The following FOCAD variants were observed in gnomAD, a reference collection of about 807,000 sequenced individuals.
FOCAD encodes focadhesin, also known as KIAA1797.
FOCAD carries 198 observed loss-of-function variants against 225.6 expected under a neutral mutation model. The observed-to-expected ratio is 0.88, with a 90% CI of 0.78 to 0.99. The LOEUF (loss-of-function observed/expected upper bound fraction) is 0.99. Among genes scored for constraint, FOCAD ranks in the 50% least tolerant of loss-of-function variants. The pLI is 0.00. For synonymous variants in FOCAD, 897 were observed against 755.0 expected (o/e 1.19, Z -3.08); for missense variants, 2,713 against 2,123.6 (o/e 1.28, Z -5.46).
intron 8 of FOCAD, 27 bp downstream of exon 8, chr9:20,770,265 T>G: frequency 6.4e-7 from 1 of 1,568,470 alleles, no homozygotes; most frequent in Non-Finnish European, 8.8e-7. Flanking sequence ...ATTATACTGT[T>G]CATGCATTGC....
intron 16 of FOCAD, 29 bp from the exon 17 acceptor site, chr9:20,865,897 A>G (rs753416428): frequency 6.4e-7 from 1 of 1,561,986 alleles, no homozygotes; most frequent in Non-Finnish European, 8.7e-7. Flanking sequence ...GGTCTTAACA[A>G]TTTATTCTTT....
intron 15 of FOCAD, among the ~76,000 whole-genome samples, chr9:20,827,007 TA>T (rs1258691430): frequency 6.6e-6 from 1 of 152,126 alleles, no homozygotes; most frequent in Non-Finnish European, 1.5e-5. Flanking sequence ...ATGGCTCCAA[TA>T]AGAAATAATC....
At chr9:20,732,448 A>C (rs1826793538) in intron 4 of FOCAD, among the ~76,000 whole-genome samples, 1 of 152,186 alleles carries the variant, frequency 6.6e-6, no homozygotes, top group Non-Finnish European at 1.5e-5. Flanking sequence ...ATTGGCTGTT[A>C]AGATGGCCTG....
At chr9:20,980,691 A>T (rs1235949453) in intron 37 of FOCAD, among the ~76,000 whole-genome samples, 1 of 152,184 alleles carries the variant, frequency 6.6e-6, no homozygotes, top group Non-Finnish European at 1.5e-5. Context: ...GCACACAAAA[A>T]AGTTTTTGCC....
At chr9:20,988,497 T>TAA in intron 41 of FOCAD, 68 bp downstream of exon 41, 1 of 698,634 alleles carries the variant, frequency 1.4e-6, no homozygotes, top group Non-Finnish European at 2.2e-6. Flanking sequence ...GGTGCAAAAG[T>TAA]AATTGCGGTT....
chr9:20,714,650 T>G (rs74498424), intron 1 of FOCAD, among the ~76,000 whole-genome samples: 8,486 of 55,194 alleles, frequency 0.15, 248 homozygotes, highest in Non-Finnish European at 0.18. Context: ...CTTCCTTCCT[T>G]CCTTCCTTCC....
intron 5 of FOCAD, among the ~76,000 whole-genome samples, chr9:20,757,664 G>A (rs1482410407): frequency 2.0e-5 from 3 of 152,124 alleles, no homozygotes; most frequent in Non-Finnish European, 4.4e-5. Context: ...TTATGGGTTC[G>A]GGTAAGGTTG....
intron 26 of FOCAD, 54 bp from the exon 27 acceptor site, chr9:20,929,304 A>T (rs1278610895): frequency 7.2e-7 from 1 of 1,390,802 alleles, no homozygotes; most frequent in Non-Finnish European, 1.0e-6. Context: ...TATGATAGGT[A>T]TGCTTCCTTC....
At chr9:20,793,678 C>T (rs1484191184) in intron 11 of FOCAD, among the ~76,000 whole-genome samples, 1 of 152,108 alleles carries the variant, frequency 6.6e-6, no homozygotes, top group Non-Finnish European at 1.5e-5. Context: ...GCATTCAGAA[C>T]AGTGGAGTCT....
chr9:20,840,607 T>A (rs10964734), intron 15 of FOCAD, among the ~76,000 whole-genome samples: 15,666 of 151,312 alleles, frequency 0.1, 1,127 homozygotes, highest in East Asian at 0.23. Flanking sequence ...TTTTTTTTTT[T>A]AATTCTTTAA....
At chr9:20,960,743 C>T (rs113849732) in intron 35 of FOCAD, among the ~76,000 whole-genome samples, 2,352 of 147,134 alleles carry the variant, frequency 0.016, 62 homozygotes, top group African/African-American at 0.055. Context: ...CCTCCCCCAA[C>T]CCCACAACAG....
intron 25 of FOCAD, 21 bp from the exon 26 acceptor site, chr9:20,926,280 A>G (rs1443892736): frequency 1.4e-5 from 18 of 1,333,004 alleles, no homozygotes; most frequent in East Asian, 2.3e-5. Context: ...TAATCATTTC[A>G]TGTTTTTAAT....
chr9:20,676,857 GATA>G (rs1001865077), intron 2 of FOCAD, among the ~76,000 whole-genome samples: 6 of 151,986 alleles, frequency 3.9e-5, no homozygotes, highest in African/African-American at 1.5e-4. Context: ...AAAAAATTTT[GATA>G]ATACTATTTA....
At chr9:20,808,526 T>A (rs1373704344) in intron 11 of FOCAD, among the ~76,000 whole-genome samples, 1 of 152,226 alleles carries the variant, frequency 6.6e-6, no homozygotes, top group Non-Finnish European at 1.5e-5. Flanking sequence ...CTTATTATCC[T>A]TAAAGATTAT....
intron 28 of FOCAD, among the ~76,000 whole-genome samples, chr9:20,937,018 C>G (rs920306982): frequency 6.6e-6 from 1 of 151,866 alleles, no homozygotes; most frequent in East Asian, 1.9e-4. Context: ...ATCCAACTTA[C>G]AAGGGATGTG....
At chr9:20,801,568 T>G (rs1466869124) in intron 11 of FOCAD, among the ~76,000 whole-genome samples, 1 of 152,124 alleles carries the variant, frequency 6.6e-6, no homozygotes, top group Non-Finnish European at 1.5e-5. Context: ...CTATACCTTG[T>G]AAAAAGTCAT....
At chr9:20,669,342 A>C (rs930120368) in intron 2 of FOCAD, among the ~76,000 whole-genome samples, 2 of 152,198 alleles carry the variant, frequency 1.3e-5, no homozygotes, top group African/African-American at 4.8e-5. Flanking sequence ...GCACAAACCA[A>C]AATAGCAAAA....
At chr9:20,807,693 A>C (rs1013533538) in intron 11 of FOCAD, among the ~76,000 whole-genome samples, 1 of 152,200 alleles carries the variant, frequency 6.6e-6, no homozygotes, top group African/African-American at 2.4e-5. Context: ...ACTATGTTGA[A>C]CAGTAAAGGT....
At chr9:20,663,834 G>A (rs1284539871) in intron 2 of FOCAD, among the ~76,000 whole-genome samples, 1 of 152,136 alleles carries the variant, frequency 6.6e-6, no homozygotes, top group Non-Finnish European at 1.5e-5. Flanking sequence ...TCCTTACAAA[G>A]TGTACTTTAT....
Sources: allele counts gnomAD v4.1 joint callset (sites outside exome capture counted in the v4.1 genomes callset), GRCh38; gene constraint gnomAD v4.1.1; transcripts MANE v1.5; gene names NCBI Gene and HGNC (gene_info 2026-07-23, HGNC 2026-07-21).